The following OR8D2 variants were observed in gnomAD, a reference collection of about 807,000 sequenced individuals.
OR8D2 encodes olfactory receptor family 8 subfamily D member 2.
For missense variants in OR8D2, 350 were observed against 369.8 expected (o/e 0.95, Z 0.44); for synonymous variants, 156 against 140.3 (o/e 1.11, Z -0.79).
chr11:124,319,968 A>G lies in OR8D2; in HGVS notation c.230T>C (p.Ile77Thr), dbSNP rs760331768. The change falls in exon 1 of 1, where the codon ATT becomes ACT. Residue 77 changes from isoleucine to threonine, a missense_variant. Ile to Thr is a moderately conservative substitution (Grantham distance 89). Coordinates refer to ENST00000624618, the MANE Select transcript of OR8D2 (RefSeq NM_001002918.1). ...SFIDLCYSSV[I>T]TPKMLVNFVP... ...AAAGTTCACCAGCATCTTAGGGGTA[A>G]TGACAGAGGAGTAGCAGAGATCAAT... The G allele has an allele frequency of 6.2e-7, 1 of 1,613,436 alleles. No individual in the cohort carries two copies. Among genetic ancestry groups the G allele is most frequent in the Non-Finnish European group, 8.5e-7 (1 of 1,179,564 alleles).
chr11:124,319,497 T>G lies in OR8D2; in HGVS notation c.701A>C (p.Gln234Pro). ...SILGIHSTEG[Q>P]SKAFGTCSSH... ...GCTACAAGTGCCAAAGGCTTTGGAT[T>G]GCCCCTCAGTGGAATGAATACCAAG... The change falls in exon 1 of 1, where the codon CAA becomes CCA. Residue 234 changes from glutamine to proline, a missense_variant. Gln to Pro is a moderately conservative substitution (Grantham distance 76). Coordinates refer to ENST00000624618, the MANE Select transcript of OR8D2 (RefSeq NM_001002918.1). 6.2e-7 allele frequency: 1 copy of G among 1,613,818 alleles called. No individual in the cohort carries two copies. The highest frequency in any genetic ancestry group is 1.7e-5 in the Admixed American group (1 of 59,964).
At position 124,319,689 on chromosome 11, in the gene OR8D2, C is replaced by G. The variant is rs772231561; in HGVS notation, c.509G>C (p.Arg170Thr). ...AAAATAATGACTGACCGTATGAGAC[C>G]TACAGAATGACAACACTGACATGCG... ...TTRMSVLSFC[R>T]SHTVSHYFCD... Residue 170 changes from arginine to threonine, a missense_variant, in exon 1 of 1, where the codon AGG (arginine) becomes ACG (threonine). Arg to Thr is a moderately conservative substitution (Grantham distance 71, BLOSUM62 -1). Transcript: ENST00000624618. 2.5e-6 allele frequency: 4 copies of G among 1,613,494 alleles called. No homozygotes were observed. Among genetic ancestry groups the G allele is most frequent in the Non-Finnish European group, 3.4e-6 (4 of 1,179,888 alleles).
Position 124,320,157 on chromosome 11 carries a change from A to G in OR8D2, c.41T>C (p.Leu14Pro). Residue 14 changes from leucine to proline, a missense_variant, in exon 1 of 1, where the codon CTG becomes CCG. Coordinates refer to ENST00000624618, the MANE Select transcript of OR8D2 (RefSeq NM_001002918.1). ...TTCTGGGCGTTGTGTCAAGCCTGCC[A>G]GGATAAACTCAGCCCCTGAAGAATG... ...SNHSSGAEFI[L>P]AGLTQRPELQ... is the part of the protein sequence containing the mutation. The G allele has an allele frequency of 6.2e-7, 1 of 1,612,326 alleles. No homozygotes were observed. Among genetic ancestry groups the G allele is most frequent in the Non-Finnish European group, 8.5e-7 (1 of 1,179,024 alleles).
Position 124,319,956 on chromosome 11 carries a change from A to T in OR8D2, c.242T>A (p.Met81Lys), listed in dbSNP as rs1862505538. ...LCYSSVITPK[M>K]LVNFVPEENI... ...CTCCTCTGGAACAAAGTTCACCAGC[A>T]TCTTAGGGGTAATGACAGAGGAGTA... is the stretch of plus-strand genomic sequence containing the variant. The change falls in exon 1 of 1, where the codon ATG (methionine) becomes AAG (lysine). Residue 81 changes from methionine (M) to lysine (K), a missense_variant. Met to Lys is a moderately conservative substitution (Grantham distance 95). Coordinates refer to ENST00000624618, the MANE Select transcript of OR8D2 (RefSeq NM_001002918.1). 1 of 1,613,434 alleles carries T rather than the reference A, an allele frequency of 6.2e-7. No individual in the cohort carries two copies.
Position 124,319,824 on chromosome 11 carries a change from G to A in OR8D2, c.374C>T (p.Ala125Val). The change falls in exon 1 of 1, where the codon GCT becomes GTT. Residue 125 changes from alanine to valine, a missense_variant. By Grantham distance (64) the Ala-to-Val change is moderately conservative (BLOSUM62 0). Coordinates refer to ENST00000624618, the MANE Select transcript of OR8D2 (RefSeq NM_001002918.1). ...LTAMEYDRYV[A>V]ICRPLLYNIV... Reference sequence around the variant, plus strand: ...ATTGTAAAGCAGTGGGCGACAGATAGCAACATAACGGTCATATTCCATGGC... The same window carrying A: ...ATTGTAAAGCAGTGGGCGACAGATAACAACATAACGGTCATATTCCATGGC... 1.9e-6 allele frequency: 3 copies of A among 1,613,620 alleles called. No individual in the cohort carries two copies. The highest frequency in any genetic ancestry group is 2.2e-5 in the South Asian group (2 of 91,076).
chr11:124,319,777 A>G lies in OR8D2; in HGVS notation c.421T>C (p.Cys141Arg). The G allele has an allele frequency of 3.1e-6, 5 of 1,613,642 alleles. No homozygotes were observed. The highest frequency in any genetic ancestry group is 4.2e-6 in the Non-Finnish European group (5 of 1,179,876). The change falls in exon 1 of 1, where the codon TGT (cysteine) becomes CGT (arginine). Residue 141 changes from cysteine (C) to arginine (R), a missense_variant. Cys to Arg is a radical substitution (Grantham distance 180). Transcript: ENST00000624618. Reference sequence around the variant, plus strand: ...TATACCACAGCCATCATTATGGAACAGACCCTGTGGGACATGACAATATTG... The same window carrying G: ...TATACCACAGCCATCATTATGGAACGGACCCTGTGGGACATGACAATATTG... ...LYNIVMSHRV[C>R]SIMMAVVYSL...
rs151287996 is a variant in OR8D2 at position 124,319,680 on chromosome 11, G to A, written c.518C>T (p.Thr173Met). The A allele has an allele frequency of 4.5e-5, 73 of 1,613,644 alleles. 1 individual carries two copies. Among genetic ancestry groups the A allele is most frequent in the East Asian group, 3.1e-4 (14 of 44,810 alleles). ...AATATCACAAAAATAATGACTGACC[G>A]TATGAGACCTACAGAATGACAACAC... ...MSVLSFCRSH[T>M]VSHYFCDILP... is the part of the protein sequence containing the mutation. Residue 173 changes from threonine (T) to methionine (M), a missense_variant, in exon 1 of 1, where the codon ACG becomes ATG. By Grantham distance (81) the Thr-to-Met change is moderately conservative. Coordinates refer to ENST00000624618, the MANE Select transcript of OR8D2 (RefSeq NM_001002918.1).
At position 124,320,054 on chromosome 11, in the gene OR8D2, TAAG is replaced by T. The variant is rs767104061; in HGVS notation, c.141_143del (p.Phe47del). ...GGTAAAGTTGAGAACTGAGAGCAAT[TAAG>T]AAGATCATGCCCAGGTTCCCCACCA... On this transcript the variant is annotated inframe_deletion, in exon 1 of 1. Transcript: ENST00000624618. The T allele has an allele frequency of 2.0e-5, 33 of 1,613,552 alleles. No individual in the cohort carries two copies. In the Admixed American group the frequency reaches 5.5e-4, roughly 27 times the overall value.
Position 124,319,989 on chromosome 11 carries a change from T to G in OR8D2, c.209A>C (p.Asp70Ala). 6.2e-7 allele frequency: 1 copy of G among 1,613,364 alleles called. No individual in the cohort carries two copies. The change falls in exon 1 of 1, where the codon GAT becomes GCT. Residue 70 changes from aspartate to alanine, a missense_variant. By Grantham distance (126) the Asp-to-Ala change is moderately radical. Transcript: ENST00000624618. The part of the protein sequence containing the change: ...YYFLSHLSFI[D>A]LCYSSVITPK... ...GGTAATGACAGAGGAGTAGCAGAGA[T>G]CAATGAAAGACAAATGACTGAGAAA...
At position 124,319,757 on chromosome 11, in the gene OR8D2, C is replaced by T. The variant is rs1324528308; in HGVS notation, c.441G>A (p.Val147=). 1.2e-6 allele frequency: 2 copies of T among 1,613,452 alleles called. No homozygotes were observed. Among genetic ancestry groups the T allele is most frequent in the South Asian group, 1.1e-5 (1 of 91,060 alleles). Residue 147 remains valine (V), a synonymous_variant, in exon 1 of 1, where the codon GTG becomes GTA. Coordinates refer to ENST00000624618, the MANE Select transcript of OR8D2 (RefSeq NM_001002918.1). The stretch of plus-strand genomic sequence containing the variant: ...CCCACAGAAAACCCAGTGAGTATAC[C>T]ACAGCCATCATTATGGAACAGACCC... ...SHRVCSIMMA[V]VYSLGFLWAT... is the part of the protein sequence containing the mutation.
At position 124,319,923 on chromosome 11, in the gene OR8D2, A is replaced by T. The variant is rs1382822511; in HGVS notation, c.275T>A (p.Ile92Asn). 3.7e-6 allele frequency: 6 copies of T among 1,613,416 alleles called. No homozygotes were observed. In the African/African-American group the frequency reaches 8.0e-5, roughly 22 times the overall value. ...TTGAGTAATGCATTCCAGAAAGGAGATAATGTTCTCCTCTGGAACAAAGTT... is the reference window on the plus strand; with the variant it reads ...TTGAGTAATGCATTCCAGAAAGGAGTTAATGTTCTCCTCTGGAACAAAGTT... ...LVNFVPEENI[I>N]SFLECITQLY... Residue 92 changes from isoleucine (I) to asparagine (N), a missense_variant, in exon 1 of 1, where the codon ATC (isoleucine) becomes AAC (asparagine). Transcript: ENST00000624618.
Position 124,319,702 on chromosome 11 carries a change from A to G in OR8D2, c.496T>C (p.Leu166=). 2.5e-6 allele frequency: 4 copies of G among 1,613,698 alleles called. No homozygotes were observed. Among genetic ancestry groups the G allele is most frequent in the African/African-American group, 1.3e-5 (1 of 75,014 alleles). ...ATVHTTRMSV[L]SFCRSHTVSH... ...ACCGTATGAGACCTACAGAATGACA[A>G]CACTGACATGCGGGTAGTATGGACT... Residue 166 remains leucine (L), a synonymous_variant, in exon 1 of 1, where the codon TTG becomes CTG. Transcript: ENST00000624618.
In OR8D2 at chr11:124,319,443, A is replaced by C. The variant is rs779744609; in HGVS notation, c.755T>G (p.Phe252Cys). ...GAAATACATGAATGTTATAGACCCA[A>C]AAAAGATGCCCACAGCCAAGAGATG... ...SSHLLAVGIF[F>C]GSITFMYFKP... is the part of the protein sequence containing the mutation. The change falls in exon 1 of 1, where the codon TTT (phenylalanine) becomes TGT (cysteine). Residue 252 changes from phenylalanine to cysteine, a missense_variant. Transcript: ENST00000624618. 3 of 1,610,510 alleles carry C rather than the reference A, an allele frequency of 1.9e-6. No individual in the cohort carries two copies. Among genetic ancestry groups the C allele is most frequent in the African/African-American group, 1.3e-5 (1 of 74,560 alleles).
At position 124,319,902 on chromosome 11, in the gene OR8D2, G is replaced by A. The variant is rs765161103; in HGVS notation, c.296C>T (p.Thr99Ile). The change falls in exon 1 of 1, where the codon ACT (threonine) becomes ATT (isoleucine). Residue 99 changes from threonine to isoleucine, a missense_variant. Thr to Ile is a moderately conservative substitution (Grantham distance 89). Transcript: ENST00000624618. ...AAAAATAAGGAAGAAATAAAGTTGA[G>A]TAATGCATTCCAGAAAGGAGATAAT... Reference protein sequence around the residue: ...ENIISFLECITQLYFFLIFVI... With the variant: ...ENIISFLECIIQLYFFLIFVI... 5.0e-6 allele frequency: 8 copies of A among 1,613,442 alleles called. No homozygotes were observed. In the Admixed American group the frequency reaches 1.3e-4, roughly 27 times the overall value.
rs1565333912 is a variant in OR8D2, at chr11:124,319,526, A to G, written c.672T>C (p.Ser224=). 4.3e-6 allele frequency: 7 copies of G among 1,613,894 alleles called. No individual in the cohort carries two copies. The highest frequency in any genetic ancestry group is 5.9e-6 in the Non-Finnish European group (7 of 1,179,904). The part of the protein sequence containing the change: ...VLISYAFIFS[S]ILGIHSTEGQ... Reference sequence around the variant, plus strand: ...CCTCAGTGGAATGAATACCAAGGATACTAGAGAAAATGAAAGCATAAGAGA... The same window carrying G: ...CCTCAGTGGAATGAATACCAAGGATGCTAGAGAAAATGAAAGCATAAGAGA... The change falls in exon 1 of 1, where the codon AGT becomes AGC. Residue 224 remains serine, a synonymous_variant. Coordinates refer to ENST00000624618, the MANE Select transcript of OR8D2 (RefSeq NM_001002918.1).
In OR8D2 at chr11:124,320,048, A is replaced by G. The variant is rs149661949; in HGVS notation, c.150T>C (p.Ala50=). ...VGNLGMIFLI[A]LSSQLYPPVY... ...CTGGAGGGTAAAGTTGAGAACTGAG[A>G]GCAATTAAGAAGATCATGCCCAGGT... is the stretch of plus-strand genomic sequence containing the variant. The change falls in exon 1 of 1, where the codon GCT becomes GCC. Residue 50 remains alanine (A), a synonymous_variant. Coordinates refer to ENST00000624618, the MANE Select transcript of OR8D2 (RefSeq NM_001002918.1). The G allele has an allele frequency of 7.6e-4, 1,224 of 1,613,752 alleles. 17 individuals carry two copies. The East Asian group carries it at 0.024, about 32-fold the overall frequency.
rs746457957 is a variant in OR8D2, at chr11:124,320,119, G to T, written c.79C>A (p.Leu27Ile). 8 of 1,613,678 alleles carry T rather than the reference G, an allele frequency of 5.0e-6. No individual in the cohort carries two copies. The Middle Eastern group carries it at 1.3e-3, about 266-fold the overall frequency. ...TATATTCCAAGGAACAGGAGGAAGA[G>T]TGGCAGTTGAAGTTCTGGGCGTTGT... ...LTQRPELQLPLFLLFLGIYVV... is the reference protein window; with the variant it reads ...LTQRPELQLPIFLLFLGIYVV... Residue 27 changes from leucine (L) to isoleucine (I), a missense_variant, in exon 1 of 1, where the codon CTC becomes ATC. Physicochemically the swap from Leu to Ile is conservative, Grantham distance 5 (BLOSUM62 2). Transcript: ENST00000624618.
rs2466620 is a variant in OR8D2, at chr11:124,319,410, G to A, written c.788C>T (p.Pro263Leu). ...CTCTTTTTCCATAGTAGTGCTGGAA[G>A]GGGGCTTGAAATACATGAATGTTAT... Reference protein sequence around the residue: ...GSITFMYFKPPSSTTMEKEKV... With the variant: ...GSITFMYFKPLSSTTMEKEKV... The change falls in exon 1 of 1, where the codon CCT becomes CTT. Residue 263 changes from proline (P) to leucine (L), a missense_variant. Coordinates refer to ENST00000624618, the MANE Select transcript of OR8D2 (RefSeq NM_001002918.1). The A allele has an allele frequency of 0.17, 275,989 of 1,607,460 alleles. 28,584 individuals carry two copies. The highest frequency in any genetic ancestry group is 0.43 in the African/African-American group (32,285 of 74,260).
rs750744304 is a variant in OR8D2, at chr11:124,320,174, T to G, written c.24A>C (p.Ser8=). 6.2e-7 allele frequency: 1 copy of G among 1,606,124 alleles called. No homozygotes were observed. The highest frequency in any genetic ancestry group is 8.5e-7 in the Non-Finnish European group (1 of 1,176,062). Residue 8 remains serine, a synonymous_variant, in exon 1 of 1, where the codon TCA becomes TCC. Transcript: ENST00000624618. MATSNHS[S]GAEFILAGLT... is the part of the protein sequence containing the mutation. ...AGCCTGCCAGGATAAACTCAGCCCC[T>G]GAAGAATGGTTTGAAGTAGCCATGT...
Sources: gnomAD v4.1 joint callset for allele counts on GRCh38, gnomAD v4.1.1 for gene constraint, MANE v1.5 for transcripts, NCBI Gene and HGNC (gene_info 2026-07-23, HGNC 2026-07-21) for gene names.